The following DCUN1D4 variants were observed in gnomAD, a reference collection of about 807,000 sequenced individuals.
The protein encoded by DCUN1D4 is defective in cullin neddylation 1 domain containing 4.
Under a neutral mutation model 47.9 loss-of-function variants are expected in DCUN1D4, and 22 were observed. The observed-to-expected ratio is 0.46, with a 90% confidence interval of 0.33 to 0.66. The LOEUF is 0.66. Ranked by LOEUF, DCUN1D4 falls within the 30% of genes least tolerant of loss-of-function variation. The pLI, the probability that DCUN1D4 is intolerant of heterozygous loss-of-function variation, is 0.02. For synonymous variants in DCUN1D4, 121 were observed against 112.2 expected (o/e 1.08, Z -0.50); for missense variants, 301 against 340.8 (o/e 0.88, Z 0.92).
chr4:51,899,874 A>G (rs767613901), intron 8 of DCUN1D4, among the ~76,000 whole-genome samples: 28 of 152,304 alleles, frequency 1.8e-4, no homozygotes, highest in Non-Finnish European at 3.4e-4. Context: ...TCGTTTTGAA[A>G]AGCAGTTACC....
intron 1 of DCUN1D4, among the ~76,000 whole-genome samples, chr4:51,858,933 G>C (rs1171149826): frequency 6.6e-6 from 1 of 152,218 alleles, no homozygotes; most frequent in African/African-American, 2.4e-5. Flanking sequence ...CCTTCATACA[G>C]AGTTTACCAG....
chr4:51,886,555 CTG>C lies in DCUN1D4; in HGVS notation c.344-11_344-10del, dbSNP rs1729505417. On this transcript the variant is annotated splice_polypyrimidine_tract_variant and intron_variant, in intron 5 of 10. Coordinates refer to ENST00000334635, the MANE Select transcript of DCUN1D4 (RefSeq NM_001040402.3). ...ATGGTCAGATTTAATTTACATAAGA[CTG>C]TATTTCACAGGAACTGATGATGTTG... 1.2e-6 allele frequency: 2 copies of C among 1,612,166 alleles called. No homozygotes were observed. The highest frequency in any genetic ancestry group is 1.7e-5 in the Admixed American group (1 of 59,956).
At chr4:51,892,986 G>A (rs545942570) in intron 7 of DCUN1D4, among the ~76,000 whole-genome samples, 8 of 152,188 alleles carry the variant, frequency 5.3e-5, no homozygotes, top group South Asian at 4.2e-4. Context: ...GAATGCTTTC[G>A]CATTGTGCTT....
At chr4:51,907,902 A>T (rs1319375018) in intron 8 of DCUN1D4, among the ~76,000 whole-genome samples, 1 of 152,210 alleles carries the variant, frequency 6.6e-6, no homozygotes, top group Admixed American at 6.5e-5. Context: ...TAAGAAAAAA[A>T]TGCTCAATTG....
intron 1 of DCUN1D4, among the ~76,000 whole-genome samples, chr4:51,856,258 A>G (rs1724121506): frequency 6.6e-6 from 1 of 152,230 alleles, no homozygotes; most frequent in South Asian, 2.1e-4. Context: ...TGTTAAGAGC[A>G]TAATACTGTT....
intron 6 of DCUN1D4, among the ~76,000 whole-genome samples, chr4:51,891,287 T>C (rs1730389480): frequency 1.3e-5 from 2 of 152,260 alleles, no homozygotes; most frequent in African/African-American, 4.8e-5. Context: ...TTATATGGAA[T>C]GTATTCGGCA....
intron 1 of DCUN1D4, among the ~76,000 whole-genome samples, chr4:51,858,602 C>T (rs1724516599): frequency 1.3e-5 from 2 of 152,196 alleles, no homozygotes; most frequent in Non-Finnish European, 2.9e-5. Context: ...ATTATTATGT[C>T]TTCTCCATTG....
At chr4:51,842,894 A>AC (rs1721820508), upstream of DCUN1D4, 1 of 379,886 alleles carries the variant, frequency 2.6e-6, no homozygotes, top group Non-Finnish European at 4.3e-6. Context: ...GCGCTCTCGG[A>AC]CCCCTGGGGG....
chr4:51,843,197 C>T lies in DCUN1D4; in HGVS notation c.-46C>T, dbSNP rs1221291043. The T allele has an allele frequency of 1.3e-6, 2 of 1,536,614 alleles. No homozygotes were observed. Among genetic ancestry groups the T allele is most frequent in the Non-Finnish European group, 1.8e-6 (2 of 1,142,140 alleles). The stretch of plus-strand genomic sequence containing the variant: ...GTGAGCTGGTGGGGGGACCGCGAGG[C>T]GAGCGCGGGAGCCTGGGCGGCGAGC... On this transcript the variant is annotated 5_prime_UTR_variant, in exon 1 of 11. Transcript: ENST00000334635.
chr4:51,854,998 C>G (rs1045048702), intron 1 of DCUN1D4, among the ~76,000 whole-genome samples: 2 of 152,050 alleles, frequency 1.3e-5, no homozygotes, highest in African/African-American at 4.8e-5. Context: ...ATGCTCTGGT[C>G]CCAAGCATTT....
At chr4:51,858,789 G>T (rs530418188) in intron 1 of DCUN1D4, among the ~76,000 whole-genome samples, 8 of 152,312 alleles carry the variant, frequency 5.3e-5, no homozygotes, top group African/African-American at 1.9e-4. Context: ...CTACCACCTG[G>T]TTTTTATAAA....
the DCUN1D4 span, among the ~76,000 whole-genome samples, chr4:51,834,052 C>CTT: frequency 1.6e-5 from 2 of 123,240 alleles, no homozygotes; most frequent in South Asian, 2.6e-4. Flanking sequence ...TTCTCTCTCT[C>CTT]TCTCTCTCTC....
At chr4:51,875,749 G>T (rs555196263) in intron 4 of DCUN1D4, among the ~76,000 whole-genome samples, 58 of 152,268 alleles carry the variant, frequency 3.8e-4, no homozygotes, top group African/African-American at 1.3e-3. Flanking sequence ...CACTAAGCAT[G>T]ATGTTTTTGA....
intron 1 of DCUN1D4, among the ~76,000 whole-genome samples, chr4:51,862,211 ATACAGG>A (rs1725183282): frequency 6.6e-6 from 1 of 152,232 alleles, no homozygotes; most frequent in African/African-American, 2.4e-5. Flanking sequence ...ACATGTATGT[ATACAGG>A]TATGACCTGC....
At chr4:51,876,785 G>A (rs1247994031) in intron 4 of DCUN1D4, among the ~76,000 whole-genome samples, 2 of 151,016 alleles carry the variant, frequency 1.3e-5, no homozygotes, top group African/African-American at 4.9e-5. Context: ...TATAGGTGGG[G>A]GTCCTGGAAA....
intron 8 of DCUN1D4, among the ~76,000 whole-genome samples, chr4:51,909,992 ATTTAT>A (rs924499295): frequency 2.7e-4 from 41 of 152,264 alleles, no homozygotes; most frequent in Admixed American, 6.5e-4. Flanking sequence ...TGCAGTGATG[ATTTAT>A]TTTATCAGGA....
At chr4:51,883,793 A>G (rs141446668) in intron 5 of DCUN1D4, among the ~76,000 whole-genome samples, 1,889 of 152,056 alleles carry the variant, frequency 0.012, 26 homozygotes, top group Admixed American at 0.017. Flanking sequence ...AGTGTTGTTA[A>G]AGAAGCTCTT....
At chr4:51,911,675 A>G (rs1733733870) in intron 9 of DCUN1D4, among the ~76,000 whole-genome samples, 1 of 152,172 alleles carries the variant, frequency 6.6e-6, no homozygotes, top group African/African-American at 2.4e-5. Context: ...TATCTCCTTC[A>G]GTTTAAATTG....
At chr4:51,892,816 A>T (rs1296259555) in intron 7 of DCUN1D4, among the ~76,000 whole-genome samples, 1 of 152,250 alleles carries the variant, frequency 6.6e-6, no homozygotes, top group Non-Finnish European at 1.5e-5. Flanking sequence ...AATTCTTAAC[A>T]TAGTAATTTT....
Sources: gnomAD v4.1 joint callset for allele counts (sites outside exome capture counted in the v4.1 genomes callset) on GRCh38, gnomAD v4.1.1 for gene constraint, MANE v1.5 for transcripts, NCBI Gene and HGNC (gene_info 2026-07-23, HGNC 2026-07-21) for gene names.